The following LCMT2 variants were observed in gnomAD, a reference collection of about 807,000 sequenced individuals.
LCMT2 encodes tRNA wybutosine-synthesizing protein 4.
In LCMT2, 34 loss-of-function variants were observed where a neutral mutation model predicts 42.0. The ratio of observed to expected loss-of-function variants is 0.81; its 90% confidence interval spans 0.62 to 1.08. The LOEUF (loss-of-function observed/expected upper bound fraction) is 1.08, where lower values mean the gene tolerates loss of function less well. Among genes scored for constraint, LCMT2 ranks in the 50% least tolerant of loss-of-function variants. The pLI is 0.00. For synonymous variants in LCMT2, 445 were observed against 369.5 expected, an observed-to-expected ratio of 1.20 and a Z score of -2.34; for missense variants, 1,091 against 889.4, an observed-to-expected ratio of 1.23 and a Z score of -2.88.
Position 43,330,401 on chromosome 15 carries a change from C to T in LCMT2, c.89G>A (p.Arg30His), listed in dbSNP as rs2043175159. 1 of 1,578,650 alleles carries T rather than the reference C, an allele frequency of 6.3e-7. No individual in the cohort carries two copies. Among genetic ancestry groups the T allele is most frequent in the Admixed American group, 2.0e-5 (1 of 49,508 alleles). Residue 30 changes from arginine to histidine, a missense_variant, in exon 1 of 1, where the codon CGC becomes CAC. Arg to His is a conservative substitution (Grantham distance 29). Coordinates refer to ENST00000305641, the MANE Select transcript of LCMT2 (RefSeq NM_014793.5). ...GGCAAAGGGGTCCTGCACGTACCCG[C>T]GCGCGGCCAGGGAACGCTTGCTGAG... ...SALSKRSLAARGYVQDPFAAL... is the reference protein window; with the variant it reads ...SALSKRSLAAHGYVQDPFAAL...
rs188367454 is a variant in LCMT2, at chr15:43,323,970, C to T, written c.*4459G>A. ...AAGTGAACCAGACACAATTCCTTCC[C>T]TCAGTCAAGGAACTGCCCCTTCCCA... On this transcript the variant is annotated 3_prime_UTR_variant, in exon 1 of 1. Transcript: ENST00000305641. 4 of 152,302 alleles carry T rather than the reference C, an allele frequency of 2.6e-5. No individual in the cohort carries two copies. The highest frequency in any genetic ancestry group is 4.4e-5 in the Non-Finnish European group (3 of 68,028). 9.4% of individuals were successfully genotyped at this position (152,302 alleles called of 1,614,324 possible).
At position 43,329,335 on chromosome 15, in the gene LCMT2, T is replaced by C; in HGVS notation, c.1155A>G (p.Arg385=). The change falls in exon 1 of 1, where the codon CGA becomes CGG. Residue 385 remains arginine, a synonymous_variant. Transcript: ENST00000305641. The stretch of plus-strand genomic sequence containing the variant: ...TTGAGAGCAAGTGAAACTGGCTCAC[T>C]CGGCAGTGCCGCCCCTCCTGCTCTC... ...GFGEQEGRHC[R]VSQFHLLSRD... 6.2e-7 allele frequency: 1 copy of C among 1,614,130 alleles called. No homozygotes were observed. The highest frequency in any genetic ancestry group is 8.5e-7 in the Non-Finnish European group (1 of 1,180,036).
rs1278552872 is a variant in LCMT2, at chr15:43,327,484, A to G, written c.*945T>C. ...AAACCTGGGATGATGCAGAATTAGA[A>G]CTCTGTCTTCAGGAAAGGATTACAC... On this transcript the variant is annotated 3_prime_UTR_variant, in exon 1 of 1. Coordinates refer to ENST00000305641, the MANE Select transcript of LCMT2 (RefSeq NM_014793.5). 6.6e-6 allele frequency: 1 copy of G among 152,198 alleles called. No homozygotes were observed. The highest frequency in any genetic ancestry group is 6.5e-5 in the Admixed American group (1 of 15,282). 9.4% of individuals were successfully genotyped at this position (152,198 alleles called of 1,614,324 possible). A position where few individuals can be genotyped will look rare whatever the true frequency, so the allele number is the denominator to read the frequency against.
rs771802894 is a variant in LCMT2 at position 43,329,550 on chromosome 15, C to T, written c.940G>A (p.Gly314Arg). ...ACTAGGGTGTGGGAGAGGGTGTCTC[C>T]CCTAGAAGCTGCCAGAATGAAATAA... ...AHYFILAASRGDTLSHTLVFP... is the reference protein window; with the variant it reads ...AHYFILAASRRDTLSHTLVFP... The change falls in exon 1 of 1, where the codon GGA becomes AGA. Residue 314 changes from glycine to arginine, a missense_variant. Transcript: ENST00000305641. 5.0e-6 allele frequency: 8 copies of T among 1,614,118 alleles called. No homozygotes were observed. Among genetic ancestry groups the T allele is most frequent in the Non-Finnish European group, 6.8e-6 (8 of 1,179,978 alleles).
rs377263784 is a variant in LCMT2 at position 43,328,624 on chromosome 15, T to A, written c.1866A>T (p.Gly622=). The part of the protein sequence containing the change: ...PGVTVINLTT[G]LSSEYQIDTT... ...TGTCAATCTGATACTCAGAGCTCAATCCTGTAGTCAAATTGATCACAGTCA... is the reference window on the plus strand; with the variant it reads ...TGTCAATCTGATACTCAGAGCTCAAACCTGTAGTCAAATTGATCACAGTCA... Residue 622 remains glycine (G), a synonymous_variant, in exon 1 of 1, where the codon GGA becomes GGT. Transcript: ENST00000305641. 6.2e-7 allele frequency: 1 copy of A among 1,614,162 alleles called. No homozygotes were observed. The highest frequency in any genetic ancestry group is 1.3e-5 in the African/African-American group (1 of 75,032).
chr15:43,329,131 C>T lies in LCMT2; in HGVS notation c.1359G>A (p.Lys453=). The change falls in exon 1 of 1, where the codon AAG becomes AAA. Residue 453 remains lysine (K), a synonymous_variant. Coordinates refer to ENST00000305641, the MANE Select transcript of LCMT2 (RefSeq NM_014793.5). ...GGTCCTCAGTGTTATTATCCTCACT[C>T]TTAAAAAAATGAAGCTGGAGAACCC... The part of the protein sequence containing the change: ...ALGVLQLHFF[K]SEDNNTEDLK... 6.2e-7 allele frequency: 1 copy of T among 1,614,072 alleles called. No individual in the cohort carries two copies. The highest frequency in any genetic ancestry group is 1.6e-4 in the Middle Eastern group (1 of 6,062).
In LCMT2 at chr15:43,330,057, C is replaced by CG; in HGVS notation, c.432dup (p.Ala145ArgfsTer7). 1 of 1,612,408 alleles carries CG rather than the reference C, an allele frequency of 6.2e-7. No individual in the cohort carries two copies. Among genetic ancestry groups the CG allele is most frequent in the Non-Finnish European group, 8.5e-7 (1 of 1,179,930 alleles). On this transcript the variant is annotated frameshift_variant, in exon 1 of 1. Coordinates refer to ENST00000305641, the MANE Select transcript of LCMT2 (RefSeq NM_014793.5). LOFTEE classifies it high-confidence loss of function. ...GCGCTCTCAAAGCACAGCGCGGACG[C>CG]GGGCTCCCCCCTCTCGAAAGGCCCG...
rs531650953 is a variant in LCMT2, at chr15:43,324,744, T to A, written c.*3685A>T. On this transcript the variant is annotated 3_prime_UTR_variant, in exon 1 of 1. Transcript: ENST00000305641. ...CAAAGAGCTTCTCTTCAAAGGCTTC[T>A]CTTGCACAGGGAGAAAGCGGTTGGT... is the stretch of plus-strand genomic sequence containing the variant. 5.2e-5 allele frequency: 8 copies of A among 152,488 alleles called. No homozygotes were observed. Among genetic ancestry groups the A allele is most frequent in the Non-Finnish European group, 1.2e-4 (8 of 68,158 alleles). 9.4% of individuals were successfully genotyped at this position (152,488 alleles called of 1,614,324 possible). A position where few individuals can be genotyped will look rare whatever the true frequency, so the allele number is the denominator to read the frequency against.
Position 43,329,924 on chromosome 15 carries a change from G to A in LCMT2, c.566C>T (p.Ala189Val). Reference protein sequence around the residue: ...AASPTLLLAEAVLTYLEPESA... With the variant: ...AASPTLLLAEVVLTYLEPESA... Reference sequence around the variant, plus strand: ...CTCCGGCTCGAGGTAGGTCAGCACCGCCTCGGCCAGGAGCAGAGTGGGTGA... The same window carrying A: ...CTCCGGCTCGAGGTAGGTCAGCACCACCTCGGCCAGGAGCAGAGTGGGTGA... Residue 189 changes from alanine (A) to valine (V), a missense_variant, in exon 1 of 1, where the codon GCG (alanine) becomes GTG (valine). Physicochemically the swap from Ala to Val is moderately conservative, Grantham distance 64. Transcript: ENST00000305641. 6.2e-7 allele frequency: 1 copy of A among 1,612,818 alleles called. No homozygotes were observed. The highest frequency in any genetic ancestry group is 8.5e-7 in the Non-Finnish European group (1 of 1,179,834).
rs1410385223 is a variant in LCMT2, at chr15:43,329,430, T to C, written c.1060A>G (p.Asn354Asp). 1 of 1,614,100 alleles carries C rather than the reference T, an allele frequency of 6.2e-7. No individual in the cohort carries two copies. Among genetic ancestry groups the C allele is most frequent in the African/African-American group, 1.3e-5 (1 of 75,060 alleles). The change falls in exon 1 of 1, where the codon AAC (asparagine) becomes GAC (aspartate). Residue 354 changes from asparagine to aspartate, a missense_variant. Coordinates refer to ENST00000305641, the MANE Select transcript of LCMT2 (RefSeq NM_014793.5). ...SVVSSEGQVP[N>D]LKRYGHASVF... ...GAGGCGTGGCCATATCTCTTCAGGTTTGGGACCTGGCCCTCGCTACTGACT... is the reference window on the plus strand; with the variant it reads ...GAGGCGTGGCCATATCTCTTCAGGTCTGGGACCTGGCCCTCGCTACTGACT...
rs141122465 is a variant in LCMT2 at position 43,329,727 on chromosome 15, G to T, written c.763C>A (p.Arg255=). 6.2e-7 allele frequency: 1 copy of T among 1,613,330 alleles called. No individual in the cohort carries two copies. ...LERFPDVEAQ[R]RRFLQAGWTA... ...CAGCCAGCTTGAAGGAAGCGGCGCC[G>T]CTGCGCCTCCACGTCAGGAAAACGC... Residue 255 remains arginine (R), a synonymous_variant, in exon 1 of 1, where the codon CGG becomes AGG. Transcript: ENST00000305641.
rs2043128558 is a variant in LCMT2, at chr15:43,328,224, C to A, written c.*205G>T. On this transcript the variant is annotated 3_prime_UTR_variant, in exon 1 of 1. Coordinates refer to ENST00000305641, the MANE Select transcript of LCMT2 (RefSeq NM_014793.5). ...CCACTACTCCTCTCGGACTGCATGGCCACTGTCTTCAGCTGTTTTCTGTAG... is the reference window on the plus strand; with the variant it reads ...CCACTACTCCTCTCGGACTGCATGGACACTGTCTTCAGCTGTTTTCTGTAG... 2.4e-5 allele frequency: 14 copies of A among 575,388 alleles called. No individual in the cohort carries two copies. The East Asian group carries it at 4.0e-4, about 17-fold the overall frequency. 35.6% of individuals were successfully genotyped at this position (575,388 alleles called of 1,614,324 possible).
chr15:43,328,560 T>C lies in LCMT2; in HGVS notation c.1930A>G (p.Thr644Ala), dbSNP rs781225230. Reference protein sequence around the residue: ...VPWPLMLHNHTSILLPEEQQL... With the variant: ...VPWPLMLHNHASILLPEEQQL... Reference sequence around the variant, plus strand: ...TGCTCTTCAGGAAGAAGGATACTAGTATGGTTGTGTAACATTAATGGCCAT... The same window carrying C: ...TGCTCTTCAGGAAGAAGGATACTAGCATGGTTGTGTAACATTAATGGCCAT... The change falls in exon 1 of 1, where the codon ACT becomes GCT. Residue 644 changes from threonine (T) to alanine (A), a missense_variant. Coordinates refer to ENST00000305641, the MANE Select transcript of LCMT2 (RefSeq NM_014793.5). 9 of 1,614,212 alleles carry C rather than the reference T, an allele frequency of 5.6e-6. No homozygotes were observed. Among genetic ancestry groups the C allele is most frequent in the African/African-American group, 1.3e-5 (1 of 75,052 alleles).
In LCMT2 at chr15:43,329,977, G is replaced by A; in HGVS notation, c.513C>T (p.Ala171=). The change falls in exon 1 of 1, where the codon GCC becomes GCT. Residue 171 remains alanine, a synonymous_variant. Coordinates refer to ENST00000305641, the MANE Select transcript of LCMT2 (RefSeq NM_014793.5). ...CTGCGTCGAGCCCCGCGGCGCCCAG[G>A]GCCTCCTCCACTCGCTGGAGCTGCC... The part of the protein sequence containing the change: ...DLRQLQRVEE[A]LGAAGLDAAS... 6.2e-7 allele frequency: 1 copy of A among 1,612,474 alleles called. No homozygotes were observed. The highest frequency in any genetic ancestry group is 1.3e-5 in the African/African-American group (1 of 75,060).
Position 43,329,177 on chromosome 15 carries a change from G to T in LCMT2, c.1313C>A (p.Ser438Tyr). ...AACCCCCAAGGCTGGACTTACTGGG[G>T]ACAGTCTCCCTCCCAGAACCAGAAC... ...SRVLVLGGRL[S>Y]PVSPALGVLQ... is the part of the protein sequence containing the mutation. Residue 438 changes from serine to tyrosine, a missense_variant, in exon 1 of 1, where the codon TCC (serine) becomes TAC (tyrosine). By Grantham distance (144) the Ser-to-Tyr change is moderately radical (BLOSUM62 -2). Transcript: ENST00000305641. 6.2e-7 allele frequency: 1 copy of T among 1,614,074 alleles called. No individual in the cohort carries two copies. The highest frequency in any genetic ancestry group is 8.5e-7 in the Non-Finnish European group (1 of 1,180,030).
Position 43,329,836 on chromosome 15 carries a change from A to G in LCMT2, c.654T>C (p.Tyr218=). 3.1e-6 allele frequency: 5 copies of G among 1,613,934 alleles called. No individual in the cohort carries two copies. The highest frequency in any genetic ancestry group is 4.2e-6 in the Non-Finnish European group (5 of 1,180,030). Residue 218 remains tyrosine (Y), a synonymous_variant, in exon 1 of 1, where the codon TAT becomes TAC. Transcript: ENST00000305641. ...AGGCGTCTTGAGGCCTCATCTGCTC[A>G]TAGACCACGAAAAGGGCATTAGGAA... The part of the protein sequence containing the change: ...QRFPNALFVV[Y]EQMRPQDAFG...
rs2043163524 is a variant in LCMT2 at position 43,330,057 on chromosome 15, C to T, written c.433G>A (p.Ala145Thr). The T allele has an allele frequency of 1.2e-6, 2 of 1,612,408 alleles. No homozygotes were observed. The highest frequency in any genetic ancestry group is 4.5e-5 in the East Asian group (2 of 44,854). The stretch of plus-strand genomic sequence containing the variant: ...GCGCTCTCAAAGCACAGCGCGGACG[C>T]GGGCTCCCCCCTCTCGAAAGGCCCG... ...LTGPFERGEP[A>T]SALCFESADY... Residue 145 changes from alanine (A) to threonine (T), a missense_variant, in exon 1 of 1, where the codon GCG (alanine) becomes ACG (threonine). Ala to Thr is a moderately conservative substitution (Grantham distance 58). Coordinates refer to ENST00000305641, the MANE Select transcript of LCMT2 (RefSeq NM_014793.5).
In LCMT2 at chr15:43,329,849, A is replaced by G. The variant is rs770675990; in HGVS notation, c.641T>C (p.Leu214Pro). Residue 214 changes from leucine to proline, a missense_variant, in exon 1 of 1, where the codon CTT becomes CCT. Leu to Pro is a moderately conservative substitution (Grantham distance 98, BLOSUM62 -3). Transcript: ENST00000305641. The part of the protein sequence containing the change: ...AWAAQRFPNA[L>P]FVVYEQMRPQ... ...CCTCATCTGCTCATAGACCACGAAA[A>G]GGGCATTAGGAAAACGCTGGGCTGC... 12 of 1,613,732 alleles carry G rather than the reference A, an allele frequency of 7.4e-6. No homozygotes were observed. In the Middle Eastern group the frequency reaches 4.9e-4, roughly 66 times the overall value.
rs2043157036 is a variant in LCMT2 at position 43,329,766 on chromosome 15, G to C, written c.724C>G (p.Leu242Val). Residue 242 changes from leucine to valine, a missense_variant, in exon 1 of 1, where the codon CTG becomes GTG. Leu to Val is a conservative substitution (Grantham distance 32, BLOSUM62 1). Transcript: ENST00000305641. ...LQHFRQLNSP[L>V]HGLERFPDVE... is the part of the protein sequence containing the mutation. ...TCAGGAAAACGCTCCAGGCCATGCA[G>C]GGGGGAGTTTAGCTGCCGAAAATGT... 1.9e-6 allele frequency: 3 copies of C among 1,613,418 alleles called. No individual in the cohort carries two copies. The highest frequency in any genetic ancestry group is 2.2e-5 in the South Asian group (2 of 91,070).
Sources: gnomAD v4.1 joint callset for allele counts on GRCh38, gnomAD v4.1.1 for gene constraint, MANE v1.5 for transcripts, NCBI Gene and HGNC (gene_info 2026-07-23, HGNC 2026-07-21) for gene names.